The following ZDHHC15 variants were observed in gnomAD, a reference collection of about 807,000 sequenced individuals.
ZDHHC15 encodes zDHHC palmitoyltransferase 15, also known as palmitoyltransferase ZDHHC15.
Under a neutral mutation model 31.7 loss-of-function variants are expected in ZDHHC15, and 19 were observed. That is an observed-to-expected ratio of 0.60 (90% CI 0.42 to 0.88). The LOEUF is 0.88. ZDHHC15 is among the 40% of genes least tolerant of loss of function. The probability of loss-of-function intolerance (pLI) is 0.00; values close to 1 mark genes in which losing one functional copy is unlikely to be tolerated. For synonymous variants in ZDHHC15, 103 were observed against 90.0 expected (o/e 1.14, Z -0.82); for missense variants, 209 against 251.2 (o/e 0.83, Z 1.14).
At chrX:75,397,856 C>A (rs1234829433) in intron 10 of ZDHHC15, among the ~76,000 whole-genome samples, 1 of 111,936 alleles carries the variant, frequency 8.9e-6, no homozygotes, top group Non-Finnish European at 1.9e-5. Flanking sequence ...ATCTTTGCAA[C>A]CCTTGGGTAA....
chrX:75,435,798 T>A (rs888292382), intron 4 of ZDHHC15, among the ~76,000 whole-genome samples: 1 of 111,821 alleles, frequency 8.9e-6, no homozygotes, highest in African/African-American at 3.2e-5. Context: ...TGGTCTGCAG[T>A]TTTCTTTTTT....
chrX:75,383,734 G>GTTTTTTTTTTTTTTTTTT lies in ZDHHC15; in HGVS notation c.968-4537_968-4536insAAAAAAAAAAAAAAAAAA, dbSNP rs541238663. ...ACTACCCCAAATTTAAGAAATGTTA[G>GTTTTTTTTTTTTTTTTTT]GTTTTTTTTTTTTTTTTTTTTTGAG... On this transcript the variant is annotated intron_variant, in intron 10 of 11. Transcript: ENST00000373367. 7.7e-5 allele frequency among the ~76,000 whole-genome samples: 6 copies of GTTTTTTTTTTTTTTTTTT among 77,793 alleles called. 3 individuals are homozygous for GTTTTTTTTTTTTTTTTTT. Among genetic ancestry groups the GTTTTTTTTTTTTTTTTTT allele is most frequent in the Non-Finnish European group, 1.4e-4 (6 of 41,880 alleles). The allele number at this position is 77,793 out of a possible 115,157, so 67.6% of individuals were successfully genotyped here.
At chrX:75,402,208 A>T (rs1039419108) in intron 10 of ZDHHC15, among the ~76,000 whole-genome samples, 3 of 112,355 alleles carry the variant, frequency 2.7e-5, no homozygotes, top group Non-Finnish European at 3.8e-5. Flanking sequence ...CAAAGATACA[A>T]CATACCAGAA....
chrX:75,503,828 C>G (rs946361956), intron 2 of ZDHHC15, among the ~76,000 whole-genome samples: 1 of 111,183 alleles, frequency 9.0e-6, no homozygotes, highest in African/African-American at 3.3e-5. Context: ...AGTCTGAAAT[C>G]AAGGTGTAGG....
intron 1 of ZDHHC15, among the ~76,000 whole-genome samples, chrX:75,510,401 A>T (rs1414219846): frequency 9.2e-6 from 1 of 109,156 alleles, no homozygotes; most frequent in Admixed American, 9.8e-5. Context: ...AGATGTGGTA[A>T]TACCATGATT....
At chrX:75,485,992 T>G (rs779201419) in intron 2 of ZDHHC15, among the ~76,000 whole-genome samples, 6 of 111,491 alleles carry the variant, frequency 5.4e-5, no homozygotes, top group Non-Finnish European at 1.9e-5. Flanking sequence ...GTGACTCACA[T>G]GGTGAACTTT....
Position 75,372,393 on chromosome X carries a change from G to A in ZDHHC15, c.*585C>T, listed in dbSNP as rs1261342189. ...CCAAATTTTAGATACTTGATATAGC[G>A]ATGATTCAAAGTCTAGCAAATATTT... is the stretch of plus-strand genomic sequence containing the variant. On this transcript the variant is annotated 3_prime_UTR_variant, in exon 12 of 12. Transcript: ENST00000373367. 1 of 111,661 alleles carries A rather than the reference G, an allele frequency of 9.0e-6. No homozygotes were observed. The highest frequency in any genetic ancestry group is 3.2e-5 in the African/African-American group (1 of 30,780). 9.2% of individuals were successfully genotyped at this position (111,661 alleles called of 1,213,427 possible).
intron 2 of ZDHHC15, among the ~76,000 whole-genome samples, chrX:75,493,729 A>G (rs1323027330): frequency 8.9e-6 from 1 of 112,314 alleles, no homozygotes; most frequent in East Asian, 2.8e-4. Flanking sequence ...ACAAAATTCA[A>G]CAGCCCTTCA....
intron 2 of ZDHHC15, among the ~76,000 whole-genome samples, chrX:75,490,735 T>C (rs2084871375): frequency 9.0e-6 from 1 of 111,550 alleles, no homozygotes; most frequent in Admixed American, 9.5e-5. Flanking sequence ...TCCTAGGTAT[T>C]TTATTCTCTT....
intron 1 of ZDHHC15, among the ~76,000 whole-genome samples, chrX:75,508,312 T>A (rs1271348191): frequency 3.1e-5 from 2 of 64,699 alleles, no homozygotes; most frequent in African/African-American, 1.3e-4. Flanking sequence ...CACCCCACAA[T>A]AGGCCCCAGT....
intron 3 of ZDHHC15, among the ~76,000 whole-genome samples, chrX:75,457,921 T>C (rs761642699): frequency 9.0e-6 from 1 of 111,620 alleles, no homozygotes; most frequent in African/African-American, 3.2e-5. Context: ...TGCCATTTCA[T>C]GTAAGGAACC....
intron 4 of ZDHHC15, among the ~76,000 whole-genome samples, chrX:75,447,525 C>G (rs1367522503): frequency 8.9e-6 from 1 of 111,732 alleles, no homozygotes; most frequent in African/African-American, 3.3e-5. Flanking sequence ...ATGACATGGT[C>G]TTTTGAAGTG....
At chrX:75,396,380 G>A (rs2083299078) in intron 10 of ZDHHC15, among the ~76,000 whole-genome samples, 1 of 111,560 alleles carries the variant, frequency 9.0e-6, no homozygotes, top group Non-Finnish European at 1.9e-5. Context: ...AATGGCAAAC[G>A]GGTACATGGA....
intron 1 of ZDHHC15, among the ~76,000 whole-genome samples, chrX:75,508,965 A>G (rs2085215495): frequency 9.0e-6 from 1 of 110,940 alleles, no homozygotes; most frequent in Non-Finnish European, 1.9e-5. Flanking sequence ...GTGTCTGTTC[A>G]TATCCTTCGC....
intron 3 of ZDHHC15, among the ~76,000 whole-genome samples, chrX:75,464,185 A>C (rs1053998583): frequency 9.0e-6 from 1 of 111,339 alleles, no homozygotes; most frequent in Non-Finnish European, 1.9e-5. Context: ...TGTCACAAGG[A>C]GAAAACACCA....
At chrX:75,490,340 G>A (rs1474905055) in intron 2 of ZDHHC15, among the ~76,000 whole-genome samples, 1 of 111,745 alleles carries the variant, frequency 8.9e-6, no homozygotes, top group Admixed American at 9.5e-5. Flanking sequence ...CAGCAAGAGA[G>A]AAAGGTCGGA....
chrX:75,477,068 G>A (rs1380863957), intron 3 of ZDHHC15, among the ~76,000 whole-genome samples: 1 of 110,840 alleles, frequency 9.0e-6, no homozygotes, highest in Non-Finnish European at 1.9e-5. Context: ...TTTCTGTTAA[G>A]TTTTTTCTTG....
At chrX:75,421,127 G>T (rs764852460) in intron 9 of ZDHHC15, among the ~76,000 whole-genome samples, 11 of 104,392 alleles carry the variant, frequency 1.1e-4, no homozygotes, top group Admixed American at 3.3e-4. Flanking sequence ...CTCTTCTGCT[G>T]CTTCTCTTCT....
At chrX:75,481,975 T>C (rs527804175) in intron 2 of ZDHHC15, among the ~76,000 whole-genome samples, 2 of 112,108 alleles carry the variant, frequency 1.8e-5, no homozygotes, top group East Asian at 5.6e-4. Flanking sequence ...CTTTACAAAC[T>C]CTAACAAAAA....
Sources: gnomAD v4.1 joint callset for allele counts (sites outside exome capture counted in the v4.1 genomes callset) on GRCh38, gnomAD v4.1.1 for gene constraint, MANE v1.5 for transcripts, NCBI Gene and HGNC (gene_info 2026-07-23, HGNC 2026-07-21) for gene names.